Variants in MOCOS observed in about 807,000 individuals in gnomAD.
MOCOS encodes human molybdenum cofactor sulfurase.
Under a neutral mutation model 83.6 loss-of-function variants are expected in MOCOS, and 86 were observed. That is an observed-to-expected ratio of 1.03 (90% CI 0.86 to 1.23). The LOEUF is 1.23. Ranked by LOEUF, MOCOS falls within the 50% of genes most tolerant of loss-of-function variation. MOCOS has a pLI of 0.00. For missense variants in MOCOS, 1,120 were observed against 1,126.9 expected (o/e 0.99, Z 0.09); for synonymous variants, 445 against 434.7 (o/e 1.02, Z -0.29).
At chr18:36,214,749 G>T (rs1279175454) in intron 7 of MOCOS, among the ~76,000 whole-genome samples, 1 of 152,064 alleles carries the variant, frequency 6.6e-6, no homozygotes, top group Non-Finnish European at 1.5e-5. Flanking sequence ...ATAGGAGAGA[G>T]GGAGGAGAAG....
At chr18:36,198,038 C>T (rs1172903938) in intron 2 of MOCOS, among the ~76,000 whole-genome samples, 1 of 152,146 alleles carries the variant, frequency 6.6e-6, no homozygotes, top group Non-Finnish European at 1.5e-5. Flanking sequence ...TTTCATTTAT[C>T]ATGCTTTTGA....
chr18:36,192,446 A>C (rs2091369873), intron 1 of MOCOS, among the ~76,000 whole-genome samples: 1 of 152,254 alleles, frequency 6.6e-6, no homozygotes, highest in South Asian at 2.1e-4. Context: ...GAAAGAAATT[A>C]AAGAAGACCT....
chr18:36,198,890 ATG>A, intron 3 of MOCOS, 134 bp downstream of exon 3: 1 of 892,952 alleles, frequency 1.1e-6, no homozygotes, highest in South Asian at 1.4e-5. Flanking sequence ...CAATGCATGT[ATG>A]TTGAGAAACA....
At chr18:36,263,896 G>T (rs2091672565) in intron 13 of MOCOS, among the ~76,000 whole-genome samples, 1 of 152,134 alleles carries the variant, frequency 6.6e-6, no homozygotes, top group African/African-American at 2.4e-5. Context: ...GGTGTTTGGG[G>T]CTGGGTGCGG....
At chr18:36,245,382 T>C (rs1457401926) in intron 9 of MOCOS, among the ~76,000 whole-genome samples, 2 of 152,226 alleles carry the variant, frequency 1.3e-5, no homozygotes, top group African/African-American at 4.8e-5. Flanking sequence ...CCTTCATTTA[T>C]GAAGCTTTGT....
intron 1 of MOCOS, among the ~76,000 whole-genome samples, chr18:36,190,741 C>T (rs1452216501): frequency 6.6e-6 from 1 of 151,546 alleles, no homozygotes; most frequent in Non-Finnish European, 1.5e-5. Context: ...AGAGTGAGAC[C>T]CTGTCTCAAA....
At position 36,205,212 on chromosome 18, in the gene MOCOS, T is replaced by G; in HGVS notation, c.1154T>G (p.Val385Gly). The G allele has an allele frequency of 6.2e-7, 1 of 1,613,688 alleles. No individual in the cohort carries two copies. Among genetic ancestry groups the G allele is most frequent in the South Asian group, 1.1e-5 (1 of 91,040 alleles). ...GATTCTGAGTTCAGCAGCCCTGAGG[T>G]TCAGGGCCCAATCATCAATTTTAAT... ...YSDSEFSSPE[V>G]QGPIINFNVL... The change falls in exon 6 of 15, where the codon GTT becomes GGT. Residue 385 changes from valine to glycine, a missense_variant. Coordinates refer to ENST00000261326, the MANE Select transcript of MOCOS (RefSeq NM_017947.4).
intron 4 of MOCOS, among the ~76,000 whole-genome samples, chr18:36,201,127 A>G (rs2091412756): frequency 6.6e-6 from 1 of 152,188 alleles, no homozygotes; most frequent in African/African-American, 2.4e-5. Context: ...TGGGTAGGCA[A>G]CTAATCACCT....
chr18:36,215,063 C>G (rs2091470448), intron 7 of MOCOS, among the ~76,000 whole-genome samples: 1 of 152,216 alleles, frequency 6.6e-6, no homozygotes. Context: ...TCCCTGTTGT[C>G]AAGGGGCAGC....
chr18:36,265,009 A>G (rs2091676905), intron 13 of MOCOS, among the ~76,000 whole-genome samples: 1 of 152,214 alleles, frequency 6.6e-6, no homozygotes, highest in South Asian at 2.1e-4. Context: ...CCTGAAGAGG[A>G]GAGAGTAAGG....
intron 4 of MOCOS, among the ~76,000 whole-genome samples, chr18:36,202,217 T>G (rs1424506830): frequency 6.6e-6 from 1 of 152,252 alleles, no homozygotes; most frequent in Admixed American, 6.5e-5. Context: ...CTTTATTTTA[T>G]AACTCAGCGA....
intron 9 of MOCOS, among the ~76,000 whole-genome samples, chr18:36,233,430 G>T (rs936271007): frequency 6.6e-6 from 1 of 151,978 alleles, no homozygotes; most frequent in African/African-American, 2.4e-5. Context: ...CTTTATCCAC[G>T]CATTGGCTGA....
chr18:36,203,128 C>T lies in MOCOS; in HGVS notation c.957C>T (p.Thr319=). 1.2e-6 allele frequency: 2 copies of T among 1,614,200 alleles called. No homozygotes were observed. Among genetic ancestry groups the T allele is most frequent in the Non-Finnish European group, 1.7e-6 (2 of 1,180,030 alleles). The change falls in exon 5 of 15, where the codon ACC becomes ACT. Residue 319 remains threonine (T), a synonymous_variant. Transcript: ENST00000261326. ...QSVAQRFEDG[T]ISFLDVIALK... Reference sequence around the variant, plus strand: ...GTGGTTATAGGTTTGAAGATGGCACCATCTCATTCCTTGATGTTATCGCGC... The same window carrying T: ...GTGGTTATAGGTTTGAAGATGGCACTATCTCATTCCTTGATGTTATCGCGC...
rs996959197 is a variant in MOCOS at position 36,187,595 on chromosome 18, G to A, written c.56G>A (p.Arg19Gln). The A allele has an allele frequency of 5.6e-6, 7 of 1,248,296 alleles. No homozygotes were observed. The African/African-American group carries it at 7.7e-5, about 14-fold the overall frequency. The allele number at this position is 1,248,296 out of a possible 1,614,324, so 77.3% of individuals were successfully genotyped here. The change falls in exon 1 of 15, where the codon CGG becomes CAG. Residue 19 changes from arginine to glutamine, a missense_variant. By Grantham distance (43) the Arg-to-Gln change is conservative. Transcript: ENST00000261326. ...GRELWTFAGS[R>Q]DPSAPRLAYG... ...GAGCTGTGGACCTTCGCGGGTTCCCGGGACCCGAGCGCACCGCGGCTAGCC... is the reference window on the plus strand; with the variant it reads ...GAGCTGTGGACCTTCGCGGGTTCCCAGGACCCGAGCGCACCGCGGCTAGCC...
intron 13 of MOCOS, 56 bp downstream of exon 13, chr18:36,260,231 C>T: frequency 6.2e-7 from 1 of 1,607,734 alleles, no homozygotes; most frequent in Non-Finnish European, 8.5e-7. Context: ...GAAGATTGAC[C>T]TCAATCCCAG....
At chr18:36,204,594 C>G (rs1318054601) in intron 5 of MOCOS, among the ~76,000 whole-genome samples, 1 of 152,032 alleles carries the variant, frequency 6.6e-6, no homozygotes, top group East Asian at 1.9e-4. Context: ...TACTGAAGAC[C>G]TAAACATTTG....
chr18:36,248,929 G>C lies in MOCOS; in HGVS notation c.1968G>C (p.Glu656Asp), dbSNP rs188606897. 2 of 1,613,682 alleles carry C rather than the reference G, an allele frequency of 1.2e-6. No homozygotes were observed. Residue 656 changes from glutamate (E) to aspartate (D), a missense_variant, in exon 10 of 15, where the codon GAG becomes GAC. Physicochemically the swap from Glu to Asp is conservative, Grantham distance 45. Transcript: ENST00000261326. ...RIMVIKAKGM[E>D]PIEVPLEENS... The stretch of plus-strand genomic sequence containing the variant: ...TTAACCTTTGTTCATTAGGGATGGA[G>C]CCTATAGAGGTGCCTCTTGAGGAAA...
intron 9 of MOCOS, among the ~76,000 whole-genome samples, chr18:36,227,054 A>G (rs958987263): frequency 1.3e-5 from 2 of 151,634 alleles, no homozygotes; most frequent in African/African-American, 4.8e-5. Context: ...CTAAGCAGAC[A>G]CATGCCACCA....
At chr18:36,258,955 A>G (rs532120843) in intron 12 of MOCOS, among the ~76,000 whole-genome samples, 9 of 151,490 alleles carry the variant, frequency 5.9e-5, no homozygotes, top group Non-Finnish European at 1.0e-4. Flanking sequence ...GGTCACCACT[A>G]TTCTGACTTC....
Sources: gnomAD v4.1 joint callset for allele counts (sites outside exome capture counted in the v4.1 genomes callset) on GRCh38, gnomAD v4.1.1 for gene constraint, MANE v1.5 for transcripts, NCBI Gene and HGNC (gene_info 2026-07-23, HGNC 2026-07-21) for gene names.